Variants in GEN1 observed in about 807,000 individuals in gnomAD.
GEN1 encodes GEN1 structure-specific endonuclease, also known as flap endonuclease GEN homolog 1.
Under a neutral mutation model 67.6 loss-of-function variants are expected in GEN1, and 64 were observed. The ratio of observed to expected loss-of-function variants is 0.95; its 90% CI spans 0.77 to 1.17. The LOEUF is 1.17. Ranked by LOEUF, GEN1 falls within the 50% of genes most tolerant of loss-of-function variation. The pLI, the probability that GEN1 is intolerant of heterozygous loss-of-function variation, is 0.00. For synonymous variants in GEN1, 371 were observed against 359.4 expected, an observed-to-expected ratio of 1.03 and a Z score of -0.37; for missense variants, 1,058 against 1,048.3, an observed-to-expected ratio of 1.01 and a Z score of -0.13.
intron 11 of GEN1, among the ~76,000 whole-genome samples, chr2:17,774,781 A>G (rs79791049): frequency 1.2e-3 from 185 of 148,660 alleles, no homozygotes; most frequent in African/African-American, 4.5e-3. Context: ...GCTTCAGAGA[A>G]AAAAAAAAAA....
At chr2:17,777,753 C>T (rs1055497659) in intron 11 of GEN1, among the ~76,000 whole-genome samples, 4 of 151,976 alleles carry the variant, frequency 2.6e-5, no homozygotes, top group African/African-American at 9.7e-5. Context: ...AAACAAAAAT[C>T]ATTATTGTGA....
At chr2:17,757,246 C>CTT (rs74754657) in intron 1 of GEN1, among the ~76,000 whole-genome samples, 4 of 127,696 alleles carry the variant, frequency 3.1e-5, no homozygotes, top group Non-Finnish European at 1.7e-5. Flanking sequence ...CAGTGCTGGA[C>CTT]TTTTTTTTTT....
rs189095824 is a variant in GEN1, at chr2:17,759,430, G to A, written c.-15-499G>A. The stretch of plus-strand genomic sequence containing the variant: ...TTTCTTTTTCTACAATGAACATTAT[G>A]TGACCTTGCAATTTAAAAAGCCAAC... On this transcript the variant is annotated intron_variant, in intron 1 of 13. Transcript: ENST00000381254. 6.6e-3 allele frequency among the ~76,000 whole-genome samples: 1,000 copies of A among 152,270 alleles called. 5 individuals carry two copies. The highest frequency in any genetic ancestry group is 0.011 in the Non-Finnish European group (753 of 68,016).
In GEN1 at chr2:17,780,519, T is replaced by C. The variant is rs556302996; in HGVS notation, c.1409-102T>C. 1.8e-5 allele frequency: 13 copies of C among 733,444 alleles called. No individual in the cohort carries two copies. In the African/African-American group the frequency reaches 1.8e-4, roughly 10 times the overall value. The allele number at this position is 733,444 out of a possible 1,614,324, so 45.4% of individuals were successfully genotyped here. On this transcript the variant is annotated intron_variant, in intron 13 of 13. Transcript: ENST00000381254. ...ACTGAGATCAAAAAAAGGCAGAAACTATTCATAGAGATTTCTCTCTGAACT... is the reference window on the plus strand; with the variant it reads ...ACTGAGATCAAAAAAAGGCAGAAACCATTCATAGAGATTTCTCTCTGAACT...
chr2:17,780,536 C>A, intron 13 of GEN1, 85 bp from the exon 14 acceptor site: 1 of 879,970 alleles, frequency 1.1e-6, no homozygotes, highest in Non-Finnish European at 1.7e-6. Flanking sequence ...AGAGATTTCT[C>A]TCTGAACTGT....
At chr2:17,760,644 G>T (rs914534351) in intron 2 of GEN1, among the ~76,000 whole-genome samples, 1 of 152,136 alleles carries the variant, frequency 6.6e-6, no homozygotes, top group Admixed American at 6.5e-5. Flanking sequence ...TGGTTTGGCC[G>T]CGTGCAGTGG....
At position 17,771,250 on chromosome 2, in the gene GEN1, T is replaced by C. The variant is rs746814380; in HGVS notation, c.765T>C (p.Thr255=). 2 of 1,611,228 alleles carry C rather than the reference T, an allele frequency of 1.2e-6. No individual in the cohort carries two copies. The highest frequency in any genetic ancestry group is 1.7e-6 in the Non-Finnish European group (2 of 1,177,734). Residue 255 remains threonine, a synonymous_variant, in exon 7 of 14, where the codon ACT becomes ACC. Coordinates refer to ENST00000381254, the MANE Select transcript of GEN1 (RefSeq NM_001130009.3). ...ACTCTAGTCCACAACTGCTAGTCAC[T>C]AAAAAACTGGCTCATTGTTCCGTAT... ...SCNSSPQLLV[T]KKLAHCSVCS...
rs555115622 is a variant in GEN1, at chr2:17,783,854, A to G, written c.*1915A>G. ...CATGATATTTAAGAAGTAACTTAAG[A>G]TGGATCAAATACCTAAATGTAAGCT... On this transcript the variant is annotated 3_prime_UTR_variant, in exon 14 of 14. Transcript: ENST00000381254. 169 of 152,366 alleles carry G rather than the reference A, an allele frequency of 1.1e-3. 1 individual carries two copies. Among genetic ancestry groups the G allele is most frequent in the African/African-American group, 3.6e-3 (151 of 41,588 alleles). The allele number at this position is 152,366 out of a possible 1,614,324, so 9.4% of individuals were successfully genotyped here.
At position 17,778,013 on chromosome 2, in the gene GEN1, C is replaced by A; in HGVS notation, c.1214C>A (p.Thr405Asn). 6.3e-7 allele frequency: 1 copy of A among 1,588,638 alleles called. No homozygotes were observed. Among genetic ancestry groups the A allele is most frequent in the Non-Finnish European group, 8.6e-7 (1 of 1,159,066 alleles). The change falls in exon 12 of 14, where the codon ACT (threonine) becomes AAT (asparagine). Residue 405 changes from threonine to asparagine, a missense_variant. Physicochemically the swap from Thr to Asn is moderately conservative, Grantham distance 65. Coordinates refer to ENST00000381254, the MANE Select transcript of GEN1 (RefSeq NM_001130009.3). ...AATTTGTTTTTCAGAATTGTTAAGA[C>A]TCGAATCAGAAATGGAGTTCATTGT... ...NQLQPIRIVK[T>N]RIRNGVHCFE...
At position 17,781,413 on chromosome 2, in the gene GEN1, ACT is replaced by A. The variant is rs773177440; in HGVS notation, c.2204_2205del (p.Ser735Ter). 5 of 1,613,548 alleles carry A rather than the reference ACT, an allele frequency of 3.1e-6. No individual in the cohort carries two copies. The highest frequency in any genetic ancestry group is 3.4e-6 in the Non-Finnish European group (4 of 1,179,920). On this transcript the variant is annotated frameshift_variant, in exon 14 of 14. Coordinates refer to ENST00000381254, the MANE Select transcript of GEN1 (RefSeq NM_001130009.3). LOFTEE classifies it low-confidence loss of function (END_TRUNC). ...ATTCCCTTGCAAAATGAATCCAGAG[ACT>A]CTAAAATTCTAAAAGGAGACCAGCT...
chr2:17,770,828 GCA>G (rs768347888), intron 6 of GEN1, among the ~76,000 whole-genome samples: 1 of 150,398 alleles, frequency 6.6e-6, no homozygotes, highest in Non-Finnish European at 1.5e-5. Context: ...TTGTACTCTG[GCA>G]CACAGAGTCA....
intron 4 of GEN1, among the ~76,000 whole-genome samples, chr2:17,765,371 TTA>T (rs1558399205): frequency 6.6e-6 from 1 of 152,238 alleles, no homozygotes; most frequent in Non-Finnish European, 1.5e-5. Flanking sequence ...AATTTCCAGT[TTA>T]GTGTTTCATC....
In GEN1 at chr2:17,781,648, A is replaced by G. The variant is rs1406661546; in HGVS notation, c.2436A>G (p.Lys812=). ...AACAAAGTGCCCCAGTGTTTGGGAA[A>G]GCTAAGTACACAACTCAAAGAATGA... The part of the protein sequence containing the change: ...SDEQSAPVFG[K]AKYTTQRMKH... The change falls in exon 14 of 14, where the codon AAA becomes AAG. Residue 812 remains lysine (K), a synonymous_variant. Coordinates refer to ENST00000381254, the MANE Select transcript of GEN1 (RefSeq NM_001130009.3). 6.2e-7 allele frequency: 1 copy of G among 1,614,052 alleles called. No homozygotes were observed. The highest frequency in any genetic ancestry group is 2.2e-5 in the East Asian group (1 of 44,860).
chr2:17,755,383 G>A (rs1025913597), intron 1 of GEN1: 2 of 151,970 alleles, frequency 1.3e-5, no homozygotes, highest in African/African-American at 4.8e-5. Context: ...TTAAATGCAG[G>A]GCTTGATCTT....
chr2:17,754,378 G>T (rs1022106748), intron 1 of GEN1, 33 bp downstream of exon 1: 1 of 152,178 alleles, frequency 6.6e-6, no homozygotes, highest in African/African-American at 2.4e-5. Flanking sequence ...AGACGGCGCC[G>T]CCCGGGTCCT....
chr2:17,758,353 G>C (rs1671518190), intron 1 of GEN1, among the ~76,000 whole-genome samples: 1 of 152,200 alleles, frequency 6.6e-6, no homozygotes, highest in African/African-American at 2.4e-5. Context: ...TGCACCGTGA[G>C]TCACAAAGGA....
rs755659766 is a variant in GEN1 at position 17,777,996 on chromosome 2, T to C, written c.1203-6T>C. The C allele has an allele frequency of 3.2e-6, 5 of 1,545,788 alleles. No individual in the cohort carries two copies. The highest frequency in any genetic ancestry group is 3.6e-6 in the Non-Finnish European group (4 of 1,119,916). ...TTAGACTTCATTAAATGAATTTGTT[T>C]TTCAGAATTGTTAAGACTCGAATCA... is the stretch of plus-strand genomic sequence containing the variant. On this transcript the variant is annotated splice_polypyrimidine_tract_variant and splice_region_variant and intron_variant, in intron 11 of 13. Coordinates refer to ENST00000381254, the MANE Select transcript of GEN1 (RefSeq NM_001130009.3).
intron 4 of GEN1, among the ~76,000 whole-genome samples, chr2:17,765,549 C>G (rs1232802143): frequency 6.6e-6 from 1 of 152,170 alleles, no homozygotes; most frequent in Non-Finnish European, 1.5e-5. Context: ...TGCTGGGAGA[C>G]ATTTTGGTTG....
intron 7 of GEN1, among the ~76,000 whole-genome samples, chr2:17,772,411 A>G (rs1371916843): frequency 6.6e-6 from 1 of 152,054 alleles, no homozygotes; most frequent in Non-Finnish European, 1.5e-5. Context: ...AATTTTTTCT[A>G]AAGTGTCATG....
Sources: allele counts gnomAD v4.1 joint callset (sites outside exome capture counted in the v4.1 genomes callset), GRCh38; gene constraint gnomAD v4.1.1; transcripts MANE v1.5; gene names NCBI Gene and HGNC (gene_info 2026-07-23, HGNC 2026-07-21).